MAN1A2: variants seen among roughly 807,000 people sequenced by gnomAD.
MAN1A2 encodes mannosyl-oligosaccharide 1,2-alpha-mannosidase IB.
In MAN1A2, 26 loss-of-function variants were observed where a neutral mutation model predicts 75.7. The observed-to-expected ratio is 0.34, with a 90% CI of 0.25 to 0.48. The LOEUF (loss-of-function observed/expected upper bound fraction) is 0.48. MAN1A2 is among the 20% of genes least tolerant of loss of function. The pLI is 0.99. For synonymous variants in MAN1A2, 247 were observed against 264.6 expected (o/e 0.93, Z 0.65); for missense variants, 562 against 775.5 (o/e 0.72, Z 3.27).
At position 117,420,616 on chromosome 1, in the gene MAN1A2, C is replaced by T. The variant is rs764819226; in HGVS notation, c.822C>T (p.Gly274=). ...AAGTCAACATTCGATTTATTGGAGG[C>T]CTACTTGCAGCATATTACCTATCAG... The part of the protein sequence containing the change: ...VFEVNIRFIG[G]LLAAYYLSGE... Residue 274 remains glycine, a synonymous_variant, in exon 5 of 13, where the codon GGC becomes GGT. Coordinates refer to ENST00000356554, the MANE Select transcript of MAN1A2 (RefSeq NM_006699.5). 3 of 1,612,820 alleles carry T rather than the reference C, an allele frequency of 1.9e-6. No homozygotes were observed. Among genetic ancestry groups the T allele is most frequent in the Middle Eastern group, 1.7e-4 (1 of 6,058 alleles).
At chr1:117,409,782 A>C (rs1299375613) in intron 3 of MAN1A2, among the ~76,000 whole-genome samples, 1 of 152,086 alleles carries the variant, frequency 6.6e-6, no homozygotes, top group Non-Finnish European at 1.5e-5. Context: ...TAGGAGCACC[A>C]CTAAAGTCCT....
chr1:117,452,012 C>T (rs1649433065), intron 6 of MAN1A2, among the ~76,000 whole-genome samples: 1 of 149,380 alleles, frequency 6.7e-6, no homozygotes, highest in Non-Finnish European at 1.5e-5. Flanking sequence ...AACAAAAAAA[C>T]AGAAAAAAAC....
chr1:117,433,367 CCT>C (rs1448718784), intron 5 of MAN1A2, among the ~76,000 whole-genome samples: 1 of 152,120 alleles, frequency 6.6e-6, no homozygotes, highest in Non-Finnish European at 1.5e-5. Context: ...AGCTACTCAA[CCT>C]GTACTAAAAG....
At position 117,502,879 on chromosome 1, in the gene MAN1A2, A is replaced by G; in HGVS notation, c.1702A>G (p.Asn568Asp). The part of the protein sequence containing the change: ...ALAIEKYCRV[N>D]GGFSGVKDVY... ...GGCCATTGAAAAGTATTGCCGAGTT[A>G]ATGGTGGGTTTTCTGGAGTCAAAGA... Residue 568 changes from asparagine (N) to aspartate (D), a missense_variant, in exon 12 of 13, where the codon AAT becomes GAT. By Grantham distance (23) the Asn-to-Asp change is conservative. Around this residue, in one of 2 missense-constraint regions of MAN1A2, gnomAD observed 434 missense variants for 645.7 expected, o/e 0.67. Transcript: ENST00000356554. The G allele has an allele frequency of 6.2e-7, 1 of 1,603,228 alleles. No homozygotes were observed. Among genetic ancestry groups the G allele is most frequent in the Non-Finnish European group, 8.5e-7 (1 of 1,172,036 alleles).
intron 1 of MAN1A2, among the ~76,000 whole-genome samples, chr1:117,387,809 C>T (rs1382855115): frequency 1.3e-5 from 2 of 152,122 alleles, no homozygotes; most frequent in Admixed American, 6.6e-5. Flanking sequence ...TCTTCCAGGC[C>T]TGTAGACTGC....
At chr1:117,495,634 T>A (rs1244600882) in intron 9 of MAN1A2, among the ~76,000 whole-genome samples, 1 of 151,892 alleles carries the variant, frequency 6.6e-6, no homozygotes, top group African/African-American at 2.4e-5. Context: ...TATGCTTGGA[T>A]ATCTTTTAAT....
At chr1:117,459,684 G>T (rs567318296) in intron 6 of MAN1A2, among the ~76,000 whole-genome samples, 1 of 151,914 alleles carries the variant, frequency 6.6e-6, no homozygotes, top group Non-Finnish European at 1.5e-5. Flanking sequence ...AAAATAAAAC[G>T]CAAGAGCATA....
chr1:117,394,458 C>T (rs1321711814), intron 1 of MAN1A2, among the ~76,000 whole-genome samples: 1 of 152,178 alleles, frequency 6.6e-6, no homozygotes, highest in Non-Finnish European at 1.5e-5. Flanking sequence ...AGCATCCTTA[C>T]TTGTTTCCCT....
At chr1:117,387,358 T>C (rs928875203) in intron 1 of MAN1A2, among the ~76,000 whole-genome samples, 1 of 152,312 alleles carries the variant, frequency 6.6e-6, no homozygotes, top group African/African-American at 2.4e-5. Flanking sequence ...GCAGTCTTTG[T>C]GTAGCCAGTA....
At chr1:117,485,900 A>G (rs1421258740) in intron 8 of MAN1A2, among the ~76,000 whole-genome samples, 1 of 151,974 alleles carries the variant, frequency 6.6e-6, no homozygotes, top group African/African-American at 2.4e-5. Flanking sequence ...TCCTTCCTCA[A>G]AGTATTCTAC....
chr1:117,493,320 A>G, intron 9 of MAN1A2, 58 bp downstream of exon 9: 1 of 1,080,100 alleles, frequency 9.3e-7, no homozygotes, highest in African/African-American at 1.6e-5. Flanking sequence ...TGTATTTTGT[A>G]GTGACTAGAT....
chr1:117,476,138 T>C (rs191867152), intron 8 of MAN1A2, among the ~76,000 whole-genome samples: 1 of 152,234 alleles, frequency 6.6e-6, no homozygotes, highest in African/African-American at 2.4e-5. Flanking sequence ...TTTTTTCATA[T>C]GTTCGTTGGC....
In MAN1A2 at chr1:117,474,953, G is replaced by T. The variant is rs182073384; in HGVS notation, c.1168+8526G>T. Among the ~76,000 whole-genome samples the T allele has an allele frequency of 2.1e-3, 313 of 151,758 alleles. 1 individual carries two copies. The highest frequency in any genetic ancestry group is 7.5e-3 in the African/African-American group (310 of 41,416). On this transcript the variant is annotated intron_variant, in intron 8 of 12. Transcript: ENST00000356554. ...CTTAGATAAATGGCATCCTTTATTT[G>T]TACTCTTTATGTGGCTTCTTTCAGC...
At chr1:117,454,564 A>T (rs1649520405) in intron 6 of MAN1A2, among the ~76,000 whole-genome samples, 2 of 152,238 alleles carry the variant, frequency 1.3e-5, no homozygotes, top group African/African-American at 4.8e-5. Context: ...TTTTCAGGCA[A>T]ACAAAAGCTT....
intron 6 of MAN1A2, among the ~76,000 whole-genome samples, chr1:117,442,674 C>T (rs1433719386): frequency 4.6e-5 from 7 of 152,052 alleles, no homozygotes; most frequent in African/African-American, 1.4e-4. Flanking sequence ...CAAAGTACAT[C>T]CTCCCTCTTT....
intron 5 of MAN1A2, among the ~76,000 whole-genome samples, chr1:117,441,180 G>A (rs1649017972): frequency 6.6e-6 from 1 of 152,050 alleles, no homozygotes; most frequent in Non-Finnish European, 1.5e-5. Flanking sequence ...GAAGGAGAGA[G>A]TAATGGGGAT....
In MAN1A2 at chr1:117,526,473, A is replaced by G. The variant is rs1477453586; in HGVS notation, c.*3516A>G. ...ACAACTATAATTGTAGTTAATAACTAAAACCTCTTGAAAATGTCAAAGAAA... is the reference window on the plus strand; with the variant it reads ...ACAACTATAATTGTAGTTAATAACTGAAACCTCTTGAAAATGTCAAAGAAA... On this transcript the variant is annotated 3_prime_UTR_variant, in exon 13 of 13. Coordinates refer to ENST00000356554, the MANE Select transcript of MAN1A2 (RefSeq NM_006699.5). 1 of 151,836 alleles carries G rather than the reference A, an allele frequency of 6.6e-6. No homozygotes were observed. The highest frequency in any genetic ancestry group is 2.4e-5 in the African/African-American group (1 of 41,434). The allele number at this position is 151,836 out of a possible 1,614,324, so 9.4% of individuals were successfully genotyped here.
In MAN1A2 at chr1:117,458,240, G is replaced by T. The variant is rs185950649; in HGVS notation, c.951-2249G>T. ...CAGCATAGTAAACACTTACATTTGT[G>T]AAATGAATTACTGTCTTATGTAGTT... On this transcript the variant is annotated intron_variant, in intron 6 of 12. Transcript: ENST00000356554. Among the ~76,000 whole-genome samples the T allele has an allele frequency of 4.0e-5, 6 of 151,826 alleles. No individual in the cohort carries two copies. The East Asian group carries it at 1.2e-3, about 29-fold the overall frequency.
Position 117,526,872 on chromosome 1 carries a change from CTCTCTCTCTATATATATA to C in MAN1A2, c.*3917_*3934del, listed in dbSNP as rs1326409956. 4.7e-5 allele frequency: 4 copies of C among 85,324 alleles called. No homozygotes were observed. The highest frequency in any genetic ancestry group is 4.8e-5 in the African/African-American group (1 of 20,706). 5.3% of individuals were successfully genotyped at this position (85,324 alleles called of 1,614,324 possible). A position where few individuals can be genotyped will look rare whatever the true frequency, so the allele number is the denominator to read the frequency against. On this transcript the variant is annotated 3_prime_UTR_variant, in exon 13 of 13. Coordinates refer to ENST00000356554, the MANE Select transcript of MAN1A2 (RefSeq NM_006699.5). ...TCTCTCTCTCTCTCTCTCTCTCTCTCTCTCTCTCTATATATATATATATATATATATATATATGAGAGA... is the reference window on the plus strand; with the variant it reads ...TCTCTCTCTCTCTCTCTCTCTCTCTCTATATATATATATATATATGAGAGA...
Sources: allele counts gnomAD v4.1 joint callset (sites outside exome capture counted in the v4.1 genomes callset), GRCh38; gene constraint gnomAD v4.1.1; regional missense constraint gnomAD v4.1.1; transcripts MANE v1.5; gene names NCBI Gene and HGNC (gene_info 2026-07-23, HGNC 2026-07-21).